Variants in OSBPL1A observed in about 807,000 individuals in gnomAD.
The protein encoded by OSBPL1A is oxysterol binding protein like 1A, also known as oxysterol-binding protein-related protein 1.
A neutral mutation model predicts 137.1 loss-of-function variants in OSBPL1A; 80 were observed. The observed-to-expected ratio is 0.58, with a 90% CI of 0.49 to 0.70. OSBPL1A has a LOEUF of 0.70. OSBPL1A is among the 30% of genes least tolerant of loss of function. The probability of loss-of-function intolerance (pLI) is 0.00; values close to 1 mark genes in which losing one functional copy is unlikely to be tolerated. For missense variants in OSBPL1A, 970 were observed against 1,129.4 expected, an observed-to-expected ratio of 0.86 and a Z score of 2.02; for synonymous variants, 365 against 389.7, an observed-to-expected ratio of 0.94 and a Z score of 0.75.
intron 21 of OSBPL1A, among the ~76,000 whole-genome samples, chr18:24,177,073 C>T (rs1567921796): frequency 6.6e-6 from 1 of 152,214 alleles, no homozygotes; most frequent in Non-Finnish European, 1.5e-5. Flanking sequence ...AACAGGAATT[C>T]TCTCACACTC....
chr18:24,298,436 C>T (rs1448623559), intron 14 of OSBPL1A, among the ~76,000 whole-genome samples: 1 of 152,108 alleles, frequency 6.6e-6, no homozygotes, highest in African/African-American at 2.4e-5. Flanking sequence ...AACCTCTACC[C>T]CCCGGGTTCA....
chr18:24,308,082 T>C (rs1173878464), intron 13 of OSBPL1A, among the ~76,000 whole-genome samples: 1 of 151,594 alleles, frequency 6.6e-6, no homozygotes, highest in Non-Finnish European at 1.5e-5. Context: ...TCTTATTTTC[T>C]CATTCCATTA....
intron 7 of OSBPL1A, among the ~76,000 whole-genome samples, chr18:24,326,034 G>T (rs773068940): frequency 6.6e-6 from 1 of 151,228 alleles, no homozygotes; most frequent in African/African-American, 2.4e-5. Context: ...TTACAGGCGT[G>T]AGCCACCATA....
At chr18:24,307,408 A>G (rs946119969) in intron 13 of OSBPL1A, among the ~76,000 whole-genome samples, 2 of 152,242 alleles carry the variant, frequency 1.3e-5, no homozygotes, top group Non-Finnish European at 2.9e-5. Context: ...TTCACTTTGC[A>G]ATATGTATTT....
intron 17 of OSBPL1A, among the ~76,000 whole-genome samples, chr18:24,211,292 G>T (rs978256563): frequency 8.5e-5 from 13 of 152,104 alleles, no homozygotes; most frequent in African/African-American, 3.1e-4. Flanking sequence ...TATAGAAAAA[G>T]ACTGTATTTT....
rs757589391 is a variant in OSBPL1A, at chr18:24,222,703, T to C, written c.1601+2339A>G. Among the ~76,000 whole-genome samples the C allele has an allele frequency of 2.0e-4, 31 of 152,274 alleles. 1 individual carries two copies. The South Asian group carries it at 2.5e-3, about 12-fold the overall frequency. ...CATGGCTAAAAAAGAAATTAAAGGT[T>C]GAAAACGCTTGTTCTATTTTACAAG... On this transcript the variant is annotated intron_variant, in intron 17 of 27. Transcript: ENST00000319481.
chr18:24,368,589 T>G (rs886774018), intron 2 of OSBPL1A: 1 of 469,020 alleles, frequency 2.1e-6, no homozygotes, highest in Non-Finnish European at 3.9e-6. Flanking sequence ...TGTCTTCACC[T>G]CTAAAGGGAT....
At chr18:24,329,314 C>G (rs929264439) in intron 7 of OSBPL1A, among the ~76,000 whole-genome samples, 5 of 152,072 alleles carry the variant, frequency 3.3e-5, no homozygotes, top group African/African-American at 9.7e-5. Context: ...CTTTGGGAGG[C>G]TGAGGCGGGC....
rs1905290953 is a variant in OSBPL1A at position 24,368,085 on chromosome 18, T to C, written c.207+202A>G. 1.4e-5 allele frequency: 5 copies of C among 370,116 alleles called. No individual in the cohort carries two copies. The South Asian group carries it at 4.9e-4, about 36-fold the overall frequency. The allele number at this position is 370,116 out of a possible 1,614,324, so 22.9% of individuals were successfully genotyped here. ...AAAAGCTAGTAATAAAAAAATCTAATGATTAAACATACAATTTTAATTAAT... is the reference window on the plus strand; with the variant it reads ...AAAAGCTAGTAATAAAAAAATCTAACGATTAAACATACAATTTTAATTAAT... On this transcript the variant is annotated intron_variant, in intron 3 of 27. Coordinates refer to ENST00000319481, the MANE Select transcript of OSBPL1A (RefSeq NM_080597.4).
At chr18:24,279,022 G>C (rs1183429252) in intron 15 of OSBPL1A, among the ~76,000 whole-genome samples, 2 of 152,012 alleles carry the variant, frequency 1.3e-5, no homozygotes. Flanking sequence ...AAGACTTTTG[G>C]TAAGTTTGTT....
At chr18:24,314,179 T>C in intron 12 of OSBPL1A, 70 bp downstream of exon 12, 1 of 980,762 alleles carries the variant, frequency 1.0e-6, no homozygotes, top group Non-Finnish European at 1.5e-6. Flanking sequence ...CCACTGAACC[T>C]ATGTTATATT....
At chr18:24,312,152 T>C (rs781194382) in intron 12 of OSBPL1A, 46 bp from the exon 13 acceptor site, 3 of 1,604,742 alleles carry the variant, frequency 1.9e-6, no homozygotes, top group Non-Finnish European at 2.6e-6. Context: ...GCATTTTTAT[T>C]CCAAAGAGAT....
At chr18:24,288,222 T>A (rs1005946964) in intron 14 of OSBPL1A, among the ~76,000 whole-genome samples, 1 of 152,244 alleles carries the variant, frequency 6.6e-6, no homozygotes, top group Admixed American at 6.5e-5. Flanking sequence ...GGAAACAACA[T>A]ACGCTAAGAC....
At chr18:24,206,217 T>C (rs1418351735) in intron 17 of OSBPL1A, among the ~76,000 whole-genome samples, 2 of 152,156 alleles carry the variant, frequency 1.3e-5, no homozygotes, top group East Asian at 1.9e-4. Context: ...GGATGGTGAA[T>C]GCCAGCCAAT....
chr18:24,206,490 C>T (rs1454326759), intron 17 of OSBPL1A, among the ~76,000 whole-genome samples: 3 of 152,114 alleles, frequency 2.0e-5, no homozygotes, highest in African/African-American at 7.2e-5. Flanking sequence ...GGGACAATTC[C>T]GTCCAATTAA....
chr18:24,341,932 T>G (rs963718280), intron 4 of OSBPL1A, among the ~76,000 whole-genome samples: 4 of 152,224 alleles, frequency 2.6e-5, no homozygotes, highest in African/African-American at 9.6e-5. Flanking sequence ...AAATAATTCA[T>G]GTGGTCAAAT....
chr18:24,179,875 G>T (rs546493210), intron 19 of OSBPL1A, 40 bp from the exon 20 acceptor site: 52 of 1,516,816 alleles, frequency 3.4e-5, no homozygotes, highest in Non-Finnish European at 2.7e-5. Flanking sequence ...AAATAGCCGA[G>T]CTCGCTCCGC....
chr18:24,175,104 G>GTATATATATATATATATATA (rs775433072), intron 21 of OSBPL1A, among the ~76,000 whole-genome samples: 2 of 42,720 alleles, frequency 4.7e-5, no homozygotes, highest in African/African-American at 7.6e-5. Context: ...TTTGCCATGT[G>GTATATATATATATATATATA]TATGTATATA....
chr18:24,212,689 G>T (rs1210799433), intron 17 of OSBPL1A, among the ~76,000 whole-genome samples: 1 of 152,142 alleles, frequency 6.6e-6, no homozygotes, highest in African/African-American at 2.4e-5. Flanking sequence ...GTGATAAGAT[G>T]TATTCCACGG....
Sources: gnomAD v4.1 joint callset for allele counts (sites outside exome capture counted in the v4.1 genomes callset) on GRCh38, gnomAD v4.1.1 for gene constraint, MANE v1.5 for transcripts, NCBI Gene and HGNC (gene_info 2026-07-23, HGNC 2026-07-21) for gene names.